The following WDR48 variants were observed in gnomAD, a reference collection of about 807,000 sequenced individuals.
The protein encoded by WDR48 is WD repeat-containing protein 48.
WDR48 carries 22 observed loss-of-function variants against 94.0 expected under a neutral mutation model. The ratio of observed to expected loss-of-function variants is 0.23; its 90% confidence interval spans 0.17 to 0.33. WDR48 has a LOEUF of 0.33. Ranked by LOEUF, WDR48 falls within the 10% of genes least tolerant of loss-of-function variation. The pLI is 1.00. For synonymous variants in WDR48, 278 were observed against 280.5 expected, an observed-to-expected ratio of 0.99 and a Z score of 0.09; for missense variants, 541 against 813.8, an observed-to-expected ratio of 0.66 and a Z score of 4.08.
At chr3:39,092,051 C>T (rs555384248) in intron 17 of WDR48, among the ~76,000 whole-genome samples, 6 of 152,252 alleles carry the variant, frequency 3.9e-5, no homozygotes, top group East Asian at 1.9e-4. Flanking sequence ...TGGGAGCACA[C>T]GCTTGTAGTC....
chr3:39,067,882 C>T (rs1235951402), intron 5 of WDR48, among the ~76,000 whole-genome samples: 4 of 151,928 alleles, frequency 2.6e-5, no homozygotes, highest in Admixed American at 6.6e-5. Context: ...TGTACATTAT[C>T]TCTGATTCAT....
intron 2 of WDR48, among the ~76,000 whole-genome samples, chr3:39,063,555 C>A (rs983511989): frequency 1.3e-5 from 2 of 152,150 alleles, no homozygotes; most frequent in African/African-American, 4.8e-5. Flanking sequence ...ATTGAATATT[C>A]TTTTACATTT....
chr3:39,067,272 A>C (rs964241876), intron 5 of WDR48, among the ~76,000 whole-genome samples: 1 of 152,202 alleles, frequency 6.6e-6, no homozygotes, highest in African/African-American at 2.4e-5. Flanking sequence ...CGGTTTTCTG[A>C]CTTTTTAAAG....
Position 39,089,292 on chromosome 3 carries a change from C to A in WDR48, c.1642C>A (p.Gln548Lys). The change falls in exon 16 of 19, where the codon CAA becomes AAA. Residue 548 changes from glutamine to lysine, a missense_variant. This residue lies in a region of WDR48 where 109 missense variants were observed against 195.5 expected (regional missense o/e 0.56). Coordinates refer to ENST00000302313, the MANE Select transcript of WDR48 (RefSeq NM_020839.4). ...ESMLLNETVP[Q>K]WVIDITVDKN... ...TATGCTTCTTAATGAAACAGTGCCA[C>A]AATGGGTAATTGACATCACTGTGGA... 6.2e-7 allele frequency: 1 copy of A among 1,613,404 alleles called. No homozygotes were observed. Among genetic ancestry groups the A allele is most frequent in the Non-Finnish European group, 8.5e-7 (1 of 1,179,674 alleles).
chr3:39,085,478 T>C (rs759480275), intron 13 of WDR48, 37 bp from the exon 14 acceptor site: 3 of 1,543,460 alleles, frequency 1.9e-6, no homozygotes, highest in Admixed American at 3.5e-5. Flanking sequence ...GTAACTCGCT[T>C]TTCCATTTTA....
intron 7 of WDR48, among the ~76,000 whole-genome samples, chr3:39,074,171 C>T (rs2034090945): frequency 6.6e-6 from 1 of 152,192 alleles, no homozygotes. Flanking sequence ...AACTCTATCT[C>T]CCTTAGTAGT....
intron 10 of WDR48, among the ~76,000 whole-genome samples, chr3:39,078,695 G>A (rs371010450): frequency 2.0e-5 from 3 of 151,534 alleles, no homozygotes; most frequent in Non-Finnish European, 2.9e-5. Context: ...CTGGGATTAC[G>A]GGCGTGAGCC....
intron 14 of WDR48, chr3:39,086,343 T>G (rs1254725651): frequency 6.6e-6 from 1 of 152,252 alleles, no homozygotes; most frequent in African/African-American, 2.4e-5. Flanking sequence ...AGGCTTACTC[T>G]GCTGAAGATT....
At chr3:39,058,902 C>A (rs146608340) in intron 1 of WDR48, among the ~76,000 whole-genome samples, 194 of 152,130 alleles carry the variant, frequency 1.3e-3, no homozygotes, top group African/African-American at 4.6e-3. Context: ...TGGCGAAACC[C>A]TGTCTCTACT....
chr3:39,078,793 G>C (rs567111460), intron 10 of WDR48, among the ~76,000 whole-genome samples: 10 of 151,660 alleles, frequency 6.6e-5, no homozygotes, highest in African/African-American at 2.4e-4. Flanking sequence ...CACTTTGGGA[G>C]GCCAAGGCGG....
At chr3:39,086,623 A>C (rs1003929120) in intron 14 of WDR48, among the ~76,000 whole-genome samples, 23 of 152,216 alleles carry the variant, frequency 1.5e-4, no homozygotes, top group Admixed American at 5.2e-4. Context: ...ACTGATGGAA[A>C]AATCTTTCCA....
intron 7 of WDR48, among the ~76,000 whole-genome samples, chr3:39,070,841 C>A (rs2033887769): frequency 6.6e-6 from 1 of 152,068 alleles, no homozygotes; most frequent in Non-Finnish European, 1.5e-5. Context: ...ATCCCCCCAC[C>A]CCCACAACAG....
chr3:39,055,354 G>A (rs989757182), intron 1 of WDR48, among the ~76,000 whole-genome samples: 2 of 152,068 alleles, frequency 1.3e-5, no homozygotes, highest in African/African-American at 2.4e-5. Context: ...GCATGGTGGC[G>A]CATGCCTGTA....
At chr3:39,059,862 T>C (rs934186490) in intron 1 of WDR48, among the ~76,000 whole-genome samples, 3 of 152,220 alleles carry the variant, frequency 2.0e-5, no homozygotes, top group African/African-American at 7.2e-5. Flanking sequence ...AATAATCTCA[T>C]ATTAATTTTG....
chr3:39,070,182 C>T (rs1282650172), intron 7 of WDR48, among the ~76,000 whole-genome samples: 1 of 152,156 alleles, frequency 6.6e-6, no homozygotes, highest in Non-Finnish European at 1.5e-5. Context: ...TCAGAGTGAA[C>T]ATTTCAAAGA....
At chr3:39,091,539 C>T in intron 16 of WDR48, 86 bp from the exon 17 acceptor site, 1 of 987,270 alleles carries the variant, frequency 1.0e-6, no homozygotes, top group South Asian at 1.8e-5. Context: ...ATAATTATTA[C>T]TTGCAAGTCA....
intron 18 of WDR48, 89 bp downstream of exon 18, chr3:39,094,155 T>G: frequency 6.6e-7 from 1 of 1,512,050 alleles, no homozygotes; most frequent in Non-Finnish European, 8.8e-7. Context: ...GCTTCTACTT[T>G]TAGAGGGGCT....
intron 14 of WDR48, among the ~76,000 whole-genome samples, chr3:39,087,198 G>T (rs2034852290): frequency 6.6e-6 from 1 of 152,196 alleles, no homozygotes; most frequent in South Asian, 2.1e-4. Context: ...GAATGAATTG[G>T]CACTTGAGTT....
chr3:39,079,705 C>T lies in WDR48; in HGVS notation c.1076-6C>T, dbSNP rs368377338. On this transcript the variant is annotated splice_polypyrimidine_tract_variant and splice_region_variant and intron_variant, in intron 10 of 18. Transcript: ENST00000302313. ...TTTTACCAATTGTGTTTTTTTTTCC[C>T]ATTAGGGGGTGCTAGTATTATTCAG... 7.0e-4 allele frequency: 1,072 copies of T among 1,526,740 alleles called. 1 individual carries two copies. The highest frequency in any genetic ancestry group is 8.6e-4 in the Non-Finnish European group (979 of 1,142,880). 94.6% of individuals were successfully genotyped at this position (1,526,740 alleles called of 1,614,324 possible).
Sources: gnomAD v4.1 joint callset for allele counts (sites outside exome capture counted in the v4.1 genomes callset) on GRCh38, gnomAD v4.1.1 for gene constraint, gnomAD v4.1.1 regional missense constraint, MANE v1.5 for transcripts, NCBI Gene and HGNC (gene_info 2026-07-23, HGNC 2026-07-21) for gene names.